SREBF2: variants seen among roughly 807,000 people sequenced by gnomAD.
SREBF2 encodes sterol regulatory element-binding protein 2.
Under a neutral mutation model 113.1 loss-of-function variants are expected in SREBF2, and 55 were observed. The observed-to-expected ratio is 0.49, with a 90% CI of 0.39 to 0.61. SREBF2 has a LOEUF of 0.61. Among genes scored for constraint, SREBF2 ranks in the 20% least tolerant of loss-of-function variants. The probability of loss-of-function intolerance (pLI) is 0.00; values close to 1 mark genes in which losing one functional copy is unlikely to be tolerated. For synonymous variants in SREBF2, 593 were observed against 605.7 expected (o/e 0.98, Z 0.31); for missense variants, 1,349 against 1,487.4 (o/e 0.91, Z 1.53).
intron 4 of SREBF2, chr22:41,873,554 A>C (rs2077165665): frequency 1.8e-6 from 1 of 543,380 alleles, no homozygotes; most frequent in African/African-American, 1.9e-5. Context: ...AAACATATTT[A>C]GCCATGTTAA....
Position 41,905,473 on chromosome 22 carries a change from G to T in SREBF2, c.3239G>T (p.Arg1080Leu). 6.3e-7 allele frequency: 1 copy of T among 1,579,458 alleles called. No homozygotes were observed. Among genetic ancestry groups the T allele is most frequent in the Non-Finnish European group, 8.6e-7 (1 of 1,163,516 alleles). ...EVDAWPGQRE[R>L]ATAILLACRH... ...GATGCCTGGCCCGGCCAGCGAGAGCGGGCCACCGCCATCCTGCTGGCCTGC... is the reference window on the plus strand; with the variant it reads ...GATGCCTGGCCCGGCCAGCGAGAGCTGGCCACCGCCATCCTGCTGGCCTGC... Residue 1080 changes from arginine to leucine, a missense_variant, in exon 19 of 19, where the codon CGG (arginine) becomes CTG (leucine). By Grantham distance (102) the Arg-to-Leu change is moderately radical. Coordinates refer to ENST00000361204, the MANE Select transcript of SREBF2 (RefSeq NM_004599.4).
chr22:41,875,072 T>G (rs1488246150), intron 5 of SREBF2, among the ~76,000 whole-genome samples: 1 of 152,232 alleles, frequency 6.6e-6, no homozygotes, highest in Non-Finnish European at 1.5e-5. Context: ...GCTAAGCCCT[T>G]TACACTCATT....
Position 41,898,734 on chromosome 22 carries a change from T to C in SREBF2, c.2691T>C (p.Ser897=). 1 of 1,614,130 alleles carries C rather than the reference T, an allele frequency of 6.2e-7. No homozygotes were observed. Among genetic ancestry groups the C allele is most frequent in the Non-Finnish European group, 8.5e-7 (1 of 1,180,020 alleles). The change falls in exon 15 of 19, where the codon TCT becomes TCC. Residue 897 remains serine, a synonymous_variant. Transcript: ENST00000361204. ...WLQGDDAAVR[S]HFTKVERIPK... is the part of the protein sequence containing the mutation. ...AGGGAGACGATGCAGCTGTGCGCTC[T>C]CATTTTACCAAAGTGGAACGCATCC...
At chr22:41,887,608 T>C (rs960739827) in intron 11 of SREBF2, among the ~76,000 whole-genome samples, 3 of 152,246 alleles carry the variant, frequency 2.0e-5, no homozygotes, top group Non-Finnish European at 2.9e-5. Flanking sequence ...ATTGTATGAC[T>C]AGATTATTGC....
intron 1 of SREBF2, among the ~76,000 whole-genome samples, chr22:41,849,244 G>A (rs1602275576): frequency 6.6e-6 from 1 of 152,082 alleles, no homozygotes; most frequent in Non-Finnish European, 1.5e-5. Context: ...CCAGGCTGGA[G>A]TGCAATGGCG....
Position 41,903,116 on chromosome 22 carries a change from G to A in SREBF2, c.3054G>A (p.Leu1018=), listed in dbSNP as rs537420657. 6.4e-7 allele frequency: 1 copy of A among 1,562,092 alleles called. No individual in the cohort carries two copies. The highest frequency in any genetic ancestry group is 1.2e-5 in the South Asian group (1 of 85,396). ...GCTTCCAACGGGACCTGGGCAGCCT[G>A]CGCAGGCTGGCACACAGCTTCCGCC... is the stretch of plus-strand genomic sequence containing the variant. The part of the protein sequence containing the change: ...LAGFQRDLGS[L]RRLAHSFRPA... The change falls in exon 17 of 19, where the codon CTG becomes CTA. Residue 1018 remains leucine (L), a synonymous_variant. Coordinates refer to ENST00000361204, the MANE Select transcript of SREBF2 (RefSeq NM_004599.4).
intron 11 of SREBF2, among the ~76,000 whole-genome samples, chr22:41,889,488 G>A (rs1022794447): frequency 3.9e-5 from 6 of 152,024 alleles, no homozygotes; most frequent in African/African-American, 1.4e-4. Context: ...ACAGCTTAGT[G>A]GTCATTTGAA....
chr22:41,868,575 C>T (rs2077108939), intron 2 of SREBF2, 36 bp from the exon 3 acceptor site: 1 of 1,608,792 alleles, frequency 6.2e-7, no homozygotes, highest in South Asian at 1.1e-5. Flanking sequence ...GAATGCATTC[C>T]TCATCTCTGT....
At chr22:41,852,610 C>T (rs1285460191) in intron 1 of SREBF2, among the ~76,000 whole-genome samples, 1 of 151,948 alleles carries the variant, frequency 6.6e-6, no homozygotes, top group African/African-American at 2.4e-5. Flanking sequence ...CTTTTTGGGC[C>T]ATATTTATAA....
At chr22:41,878,261 G>A in intron 9 of SREBF2, 138 bp downstream of exon 9, 2 of 1,131,060 alleles carry the variant, frequency 1.8e-6, no homozygotes, top group Non-Finnish European at 2.6e-6. Context: ...TCACAGGGCA[G>A]TGGAGTGGGC....
chr22:41,897,784 C>G (rs1243646039), intron 14 of SREBF2, among the ~76,000 whole-genome samples: 1 of 152,206 alleles, frequency 6.6e-6, no homozygotes, highest in Non-Finnish European at 1.5e-5. Flanking sequence ...AATCAGCCAC[C>G]CTATCATGAT....
rs1026891213 is a variant in SREBF2 at position 41,907,111 on chromosome 22, ACT to A, written c.*1455_*1456del. 2.0e-5 allele frequency: 3 copies of A among 149,952 alleles called. No homozygotes were observed. The highest frequency in any genetic ancestry group is 7.4e-5 in the African/African-American group (3 of 40,544). 9.3% of individuals were successfully genotyped at this position (149,952 alleles called of 1,614,324 possible). A position where few individuals can be genotyped will look rare whatever the true frequency, so the allele number is the denominator to read the frequency against. ...TTTCTTTCTCTCCTGCCCCTCCCCT[ACT>A]CTCACTGTAATTTATGGACCCTGCC... On this transcript the variant is annotated 3_prime_UTR_variant, in exon 19 of 19. Transcript: ENST00000361204.
chr22:41,869,462 G>A (rs1057286350), intron 3 of SREBF2, among the ~76,000 whole-genome samples: 5 of 149,998 alleles, frequency 3.3e-5, no homozygotes, highest in African/African-American at 9.9e-5. Flanking sequence ...GGGGGAGGGG[G>A]GGCATGTATT....
At chr22:41,845,039 C>A (rs1229366046) in intron 1 of SREBF2, among the ~76,000 whole-genome samples, 1 of 150,646 alleles carries the variant, frequency 6.6e-6, no homozygotes, top group Non-Finnish European at 1.5e-5. Flanking sequence ...AGCAATTCTC[C>A]TGTCTCCTGT....
chr22:41,843,771 G>C (rs893478932), intron 1 of SREBF2, among the ~76,000 whole-genome samples: 3 of 151,824 alleles, frequency 2.0e-5, no homozygotes, highest in Non-Finnish European at 2.9e-5. Flanking sequence ...AAGATGAGAG[G>C]ATCCCTTGAG....
intron 1 of SREBF2, among the ~76,000 whole-genome samples, chr22:41,850,133 C>A (rs963759835): frequency 1.3e-5 from 2 of 149,882 alleles, no homozygotes; most frequent in African/African-American, 4.9e-5. Flanking sequence ...GAGTGAGACT[C>A]CGTCTCAAAA....
rs1337954003 is a variant in SREBF2, at chr22:41,904,993, A to G, written c.3205+19A>G. 3.8e-6 allele frequency: 6 copies of G among 1,569,524 alleles called. No homozygotes were observed. Among genetic ancestry groups the G allele is most frequent in the Non-Finnish European group, 5.2e-6 (6 of 1,162,662 alleles). On this transcript the variant is annotated intron_variant, in intron 18 of 18. Transcript: ENST00000361204. ...AAGCACGGTGAGTCCACCCCTCCCC[A>G]GCTCACAGGCTGGGCCAGGCCCTGC...
chr22:41,894,223 A>G (rs1035741055), intron 12 of SREBF2, among the ~76,000 whole-genome samples: 10 of 152,118 alleles, frequency 6.6e-5, no homozygotes, highest in African/African-American at 2.4e-4. Flanking sequence ...ATCGAGGCCC[A>G]CATATCTGCC....
intron 16 of SREBF2, 81 bp downstream of exon 16, chr22:41,900,579 C>A (rs747862173): frequency 9.8e-5 from 143 of 1,454,442 alleles, no homozygotes; most frequent in Middle Eastern, 2.4e-4. Flanking sequence ...TCATGCTGAC[C>A]CTGCGGGTGG....
Sources: gnomAD v4.1 joint callset for allele counts (sites outside exome capture counted in the v4.1 genomes callset) on GRCh38, gnomAD v4.1.1 for gene constraint, MANE v1.5 for transcripts, NCBI Gene and HGNC (gene_info 2026-07-23, HGNC 2026-07-21) for gene names.